The following DLC1 variants were observed in gnomAD, a reference collection of about 807,000 sequenced individuals.
DLC1 encodes DLC1 Rho GTPase activating protein.
A neutral mutation model predicts 140.3 loss-of-function variants in DLC1; 54 were observed. That is an observed-to-expected ratio of 0.38 (90% CI 0.31 to 0.48). DLC1 has a LOEUF of 0.48. DLC1 is among the 20% of genes least tolerant of loss of function. The pLI is 0.96. For synonymous variants in DLC1, 986 were observed against 728.1 expected (o/e 1.35, Z -5.70); for missense variants, 2,536 against 1,907.0 (o/e 1.33, Z -6.14).
chr8:13,119,093 G>C (rs1038707107), intron 5 of DLC1, among the ~76,000 whole-genome samples: 3 of 151,942 alleles, frequency 2.0e-5, no homozygotes, highest in African/African-American at 7.3e-5. Context: ...GCCAGGCATG[G>C]TGGCACATGC....
rs550868972 is a variant in DLC1 at position 13,299,577 on chromosome 8, A to C, written c.1348+5692T>G. The stretch of plus-strand genomic sequence containing the variant: ...CCAGTTGCATGCCACAGACCTAGGC[A>C]GAAGATGAAAGCAGAGAGCTACGAG... On this transcript the variant is annotated intron_variant, in intron 5 of 17. Transcript: ENST00000276297. Among the ~76,000 whole-genome samples, 4 of 149,948 alleles carry C rather than the reference A, an allele frequency of 2.7e-5. No individual in the cohort carries two copies. The South Asian group carries it at 8.5e-4, about 32-fold the overall frequency.
At chr8:13,421,854 T>C (rs1010561945) in intron 2 of DLC1, among the ~76,000 whole-genome samples, 2 of 152,160 alleles carry the variant, frequency 1.3e-5, no homozygotes, top group African/African-American at 4.8e-5. Flanking sequence ...GGAATCTCTC[T>C]GGCACAGGGA....
chr8:13,389,679 A>G (rs1034449118), intron 4 of DLC1, among the ~76,000 whole-genome samples: 14 of 152,174 alleles, frequency 9.2e-5, no homozygotes. Flanking sequence ...TATTCTAAGA[A>G]TAAGTTTAAA....
intron 7 of DLC1, among the ~76,000 whole-genome samples, chr8:13,103,342 A>ATAAC (rs1323374189): frequency 6.6e-6 from 1 of 151,346 alleles, no homozygotes; most frequent in African/African-American, 2.4e-5. Flanking sequence ...AAATAAATAA[A>ATAAC]TAAATAAATA....
intron 5 of DLC1, among the ~76,000 whole-genome samples, chr8:13,188,586 C>A (rs1201188904): frequency 7.0e-6 from 1 of 142,168 alleles, no homozygotes; most frequent in Non-Finnish European, 1.5e-5. Flanking sequence ...TTCTATATTT[C>A]TATACAATGT....
chr8:13,309,999 C>T (rs1423342624), intron 4 of DLC1, among the ~76,000 whole-genome samples: 1 of 151,914 alleles, frequency 6.6e-6, no homozygotes, highest in Non-Finnish European at 1.5e-5. Flanking sequence ...TTTATTATGC[C>T]ATTTTCCTCA....
intron 4 of DLC1, among the ~76,000 whole-genome samples, chr8:13,366,672 C>T (rs1243639397): frequency 6.6e-6 from 1 of 152,180 alleles, no homozygotes; most frequent in Admixed American, 6.5e-5. Flanking sequence ...CCAGAAACTT[C>T]CCCTGACTAG....
intron 2 of DLC1, among the ~76,000 whole-genome samples, chr8:13,481,779 G>T (rs1800748461): frequency 6.6e-6 from 1 of 152,138 alleles, no homozygotes; most frequent in South Asian, 2.1e-4. Flanking sequence ...GGTTTTTGTA[G>T]ATGTAACTAG....
chr8:13,172,523 A>G (rs890250735), intron 5 of DLC1, among the ~76,000 whole-genome samples: 8 of 152,226 alleles, frequency 5.3e-5, no homozygotes, highest in African/African-American at 1.9e-4. Context: ...CAACCCCTCA[A>G]TAAATGTTAA....
At chr8:13,123,933 T>C (rs1821337424) in intron 5 of DLC1, among the ~76,000 whole-genome samples, 1 of 152,194 alleles carries the variant, frequency 6.6e-6, no homozygotes, top group African/African-American at 2.4e-5. Context: ...GGTACACACA[T>C]ATACATGTAT....
intron 5 of DLC1, chr8:13,304,729 T>C (rs1038369638): frequency 1.0e-6 from 1 of 960,272 alleles, no homozygotes; most frequent in African/African-American, 1.8e-5. Context: ...ATATTTTCAT[T>C]TCTCATCAGT....
chr8:13,492,491 A>T (rs4831443), intron 2 of DLC1, among the ~76,000 whole-genome samples: 2 of 5,110 alleles, frequency 3.9e-4, no homozygotes, highest in Non-Finnish European at 3.5e-3. Context: ...TCTATCACTT[A>T]CTCTCTCTGT....
intron 1 of DLC1, among the ~76,000 whole-genome samples, chr8:13,597,200 C>T (rs1181498727): frequency 6.6e-6 from 1 of 151,832 alleles, no homozygotes; most frequent in African/African-American, 2.4e-5. Flanking sequence ...ATCAGAATGC[C>T]CACACTTAAT....
At chr8:13,542,656 T>A (rs1803523981) in intron 1 of DLC1, among the ~76,000 whole-genome samples, 1 of 152,184 alleles carries the variant, frequency 6.6e-6, no homozygotes, top group Non-Finnish European at 1.5e-5. Flanking sequence ...TTTAGATCTT[T>A]TTAAACATTT....
chr8:13,232,438 A>G (rs888323598), intron 5 of DLC1, among the ~76,000 whole-genome samples: 3 of 151,980 alleles, frequency 2.0e-5, no homozygotes, highest in African/African-American at 7.3e-5. Context: ...GGTTCAAGCG[A>G]TTCTCCTGCC....
At chr8:13,412,732 G>C (rs1396909861) in intron 2 of DLC1, among the ~76,000 whole-genome samples, 2 of 151,894 alleles carry the variant, frequency 1.3e-5, no homozygotes, top group Non-Finnish European at 2.9e-5. Context: ...AGGAGATAGA[G>C]ACCTCCTGGC....
chr8:13,192,939 C>A (rs1274674312), intron 5 of DLC1, among the ~76,000 whole-genome samples: 1 of 152,164 alleles, frequency 6.6e-6, no homozygotes, highest in Non-Finnish European at 1.5e-5. Flanking sequence ...GTTTGAGCCA[C>A]CCAGTTTGTG....
chr8:13,456,274 T>G (rs1463517288), intron 2 of DLC1, among the ~76,000 whole-genome samples: 1 of 152,168 alleles, frequency 6.6e-6, no homozygotes, highest in Non-Finnish European at 1.5e-5. Context: ...TCTTCTCAAT[T>G]ATTTTTGCTT....
intron 2 of DLC1, among the ~76,000 whole-genome samples, chr8:13,444,441 C>T (rs780296681): frequency 2.0e-5 from 3 of 151,640 alleles, no homozygotes; most frequent in South Asian, 2.1e-4. Context: ...TAGAACTTAA[C>T]GTTTAATAAT....
Sources: allele counts gnomAD v4.1 joint callset (sites outside exome capture counted in the v4.1 genomes callset), GRCh38; gene constraint gnomAD v4.1.1; transcripts MANE v1.5; gene names NCBI Gene and HGNC (gene_info 2026-07-23, HGNC 2026-07-21).